The following KANSL1 variants were observed in gnomAD, a reference collection of about 807,000 sequenced individuals.
The protein encoded by KANSL1 is KAT8 regulatory NSL complex subunit 1.
Under a neutral mutation model 103.6 loss-of-function variants are expected in KANSL1, and 22 were observed. The ratio of observed to expected loss-of-function variants is 0.21; its 90% CI spans 0.15 to 0.30. The LOEUF (loss-of-function observed/expected upper bound fraction) is 0.30. KANSL1 is among the 10% of genes least tolerant of loss of function. The pLI is 1.00. For missense variants in KANSL1, 1,337 were observed against 1,399.8 expected (o/e 0.96, Z 0.72); for synonymous variants, 600 against 527.6 (o/e 1.14, Z -1.88).
chr17:46,128,559 T>C (rs1029196719), intron 2 of KANSL1, among the ~76,000 whole-genome samples: 12 of 152,154 alleles, frequency 7.9e-5, no homozygotes, highest in African/African-American at 1.9e-4. Flanking sequence ...CCTTGTACAG[T>C]TGACAGTCAA....
intron 4 of KANSL1, 25 bp downstream of exon 4, chr17:46,082,416 C>T (rs1025464180): frequency 2.5e-5 from 36 of 1,453,822 alleles, no homozygotes; most frequent in Non-Finnish European, 3.3e-5. Context: ...TCACGCATTT[C>T]CCCCTTTCTA....
At chr17:46,191,389 A>G (rs1248927665) in intron 1 of KANSL1, among the ~76,000 whole-genome samples, 1 of 152,274 alleles carries the variant, frequency 6.6e-6, no homozygotes, top group African/African-American at 2.4e-5. Context: ...CATGCTAGAA[A>G]AGGAACCAAG....
chr17:46,196,247 T>C (rs1357288096), upstream of KANSL1: 1 of 444,790 alleles, frequency 2.2e-6, no homozygotes, highest in Non-Finnish European at 4.5e-6. Flanking sequence ...AAATGAAAAG[T>C]GATAAAAAAA....
At chr17:46,187,845 C>T (rs1406817808) in intron 1 of KANSL1, among the ~76,000 whole-genome samples, 2 of 152,198 alleles carry the variant, frequency 1.3e-5, no homozygotes, top group African/African-American at 2.4e-5. Context: ...TTTCAGACTG[C>T]CCAAACTCAT....
intron 3 of KANSL1, among the ~76,000 whole-genome samples, chr17:46,087,420 T>TA (rs1212021636): frequency 6.6e-6 from 1 of 152,018 alleles, no homozygotes; most frequent in African/African-American, 2.4e-5. Context: ...GCTGAGCAAA[T>TA]AAAAAGCATC....
At chr17:46,108,842 G>C (rs1378380971) in intron 2 of KANSL1, among the ~76,000 whole-genome samples, 1 of 152,176 alleles carries the variant, frequency 6.6e-6, no homozygotes, top group African/African-American at 2.4e-5. Flanking sequence ...GGCCTCTAAT[G>C]CTGAAAGCGA....
At chr17:46,203,555 T>C (rs1450551314) in intron 1 of KANSL1, among the ~76,000 whole-genome samples, 8 of 152,232 alleles carry the variant, frequency 5.3e-5, no homozygotes, top group East Asian at 1.9e-4. Context: ...ATAAGCTATG[T>C]GGTAGTCAAG....
At chr17:46,187,305 C>G (rs1334179118) in intron 1 of KANSL1, among the ~76,000 whole-genome samples, 1 of 152,182 alleles carries the variant, frequency 6.6e-6, no homozygotes, top group African/African-American at 2.4e-5. Context: ...TTAAGCTCTC[C>G]CCTTTTTAAA....
At chr17:46,128,673 T>C (rs2043694856) in intron 2 of KANSL1, among the ~76,000 whole-genome samples, 2 of 152,078 alleles carry the variant, frequency 1.3e-5, no homozygotes, top group South Asian at 4.1e-4. Context: ...GAATCGAAAA[T>C]AGGCGGGAAT....
At chr17:46,122,954 T>C (rs1300212136) in intron 2 of KANSL1, among the ~76,000 whole-genome samples, 4 of 152,262 alleles carry the variant, frequency 2.6e-5, no homozygotes, top group Admixed American at 2.0e-4. Flanking sequence ...ATATTGAAAT[T>C]AGGCCAATTA....
chr17:46,209,691 A>C (rs1224591558), intron 1 of KANSL1, among the ~76,000 whole-genome samples: 1 of 152,192 alleles, frequency 6.6e-6, no homozygotes, highest in Non-Finnish European at 1.5e-5. Flanking sequence ...ACAGGGTTTC[A>C]CTATGTTACC....
chr17:46,157,969 G>A (rs1294181944), intron 2 of KANSL1, among the ~76,000 whole-genome samples: 1 of 152,234 alleles, frequency 6.6e-6, no homozygotes, highest in Non-Finnish European at 1.5e-5. Flanking sequence ...TCTAGAGAAA[G>A]AATAGTTGTA....
chr17:46,051,087 G>T (rs1188239256), intron 6 of KANSL1, among the ~76,000 whole-genome samples: 1 of 152,132 alleles, frequency 6.6e-6, no homozygotes, highest in Non-Finnish European at 1.5e-5. Context: ...ACGAACAGTT[G>T]GTTCTTGATT....
At chr17:46,178,185 A>G (rs948648698) in intron 1 of KANSL1, among the ~76,000 whole-genome samples, 1 of 152,256 alleles carries the variant, frequency 6.6e-6, no homozygotes, top group African/African-American at 2.4e-5. Flanking sequence ...AAAGCAGGGA[A>G]AGACTGTCAA....
intron 2 of KANSL1, among the ~76,000 whole-genome samples, chr17:46,107,990 G>T (rs562689404): frequency 6.6e-6 from 1 of 152,200 alleles, no homozygotes; most frequent in African/African-American, 2.4e-5. Context: ...TAGTACTTTG[G>T]TTGAATCTTT....
At chr17:46,187,092 C>G (rs1272794411) in intron 1 of KANSL1, among the ~76,000 whole-genome samples, 1 of 152,032 alleles carries the variant, frequency 6.6e-6, no homozygotes, top group African/African-American at 2.4e-5. Flanking sequence ...AGCTACAGTA[C>G]TTAGCTTTGA....
At chr17:46,196,927 CA>C (rs2147961475), upstream of KANSL1, among the ~76,000 whole-genome samples, 1 of 152,116 alleles carries the variant, frequency 6.6e-6, no homozygotes, top group Admixed American at 6.5e-5. Flanking sequence ...GGGAAAACAG[CA>C]AAACTTCATC....
intron 2 of KANSL1, among the ~76,000 whole-genome samples, chr17:46,134,127 G>A (rs1046561338): frequency 2.6e-5 from 4 of 152,236 alleles, no homozygotes; most frequent in Non-Finnish European, 4.4e-5. Flanking sequence ...GCCTGGCGTG[G>A]TGGCTCACGC....
intron 2 of KANSL1, among the ~76,000 whole-genome samples, chr17:46,158,044 A>T (rs192398657): frequency 1.1e-3 from 172 of 152,384 alleles, no homozygotes; most frequent in African/African-American, 4.0e-3. Context: ...TCTTTTTGTT[A>T]TTGGAGTAAA....
Sources: gnomAD v4.1 joint callset for allele counts (sites outside exome capture counted in the v4.1 genomes callset) on GRCh38, gnomAD v4.1.1 for gene constraint, MANE v1.5 for transcripts, NCBI Gene and HGNC (gene_info 2026-07-23, HGNC 2026-07-21) for gene names.